RBFOX3: variants seen among roughly 807,000 people sequenced by gnomAD.
The protein encoded by RBFOX3 is RNA binding protein fox-1 homolog 3.
Under a neutral mutation model 48.7 loss-of-function variants are expected in RBFOX3, and 17 were observed. That is an observed-to-expected ratio of 0.35 (90% CI 0.24 to 0.52). The LOEUF (loss-of-function observed/expected upper bound fraction) is 0.52. RBFOX3 is among the 20% of genes least tolerant of loss of function. The pLI, the probability that RBFOX3 is intolerant of heterozygous loss-of-function variation, is 0.94. For missense variants in RBFOX3, 382 were observed against 497.5 expected (o/e 0.77, Z 2.21); for synonymous variants, 212 against 209.5 (o/e 1.01, Z -0.10).
intron 2 of RBFOX3, among the ~76,000 whole-genome samples, chr17:79,435,401 G>T (rs1555730541): frequency 6.6e-6 from 1 of 152,212 alleles, no homozygotes; most frequent in South Asian, 2.1e-4. Flanking sequence ...TCCACAGGCT[G>T]CCAGAGCTGA....
chr17:79,228,421 G>T (rs1002249588), intron 4 of RBFOX3, among the ~76,000 whole-genome samples: 1 of 152,294 alleles, frequency 6.6e-6, no homozygotes, highest in Admixed American at 6.5e-5. Context: ...ATACTCTGGG[G>T]AAAACACAGA....
intron 4 of RBFOX3, among the ~76,000 whole-genome samples, chr17:79,125,721 G>A (rs960064587): frequency 9.2e-5 from 14 of 152,354 alleles, no homozygotes; most frequent in African/African-American, 2.6e-4. Context: ...TCCCGCCTGC[G>A]GGAAGGGCGC....
chr17:79,393,292 C>T (rs1210669176), intron 2 of RBFOX3, among the ~76,000 whole-genome samples: 1 of 152,254 alleles, frequency 6.6e-6, no homozygotes, highest in Non-Finnish European at 1.5e-5. Flanking sequence ...CCTACCCACA[C>T]CCCAACCCCA....
chr17:79,656,895 G>GGATGGAAGGAA, the RBFOX3 span, among the ~76,000 whole-genome samples: 1 of 116,316 alleles, frequency 8.6e-6, no homozygotes, highest in Non-Finnish European at 1.8e-5. Flanking sequence ...GAAGGAAGGA[G>GGATGGAAGGAA]GGAAGGAAGG....
chr17:79,335,989 C>A (rs747185349), intron 2 of RBFOX3, among the ~76,000 whole-genome samples: 3 of 152,232 alleles, frequency 2.0e-5, no homozygotes, highest in Non-Finnish European at 4.4e-5. Flanking sequence ...GGTCTGCCTG[C>A]GCCGCTTCGT....
At chr17:79,619,202 A>G in the RBFOX3 span, among the ~76,000 whole-genome samples, 2 of 152,224 alleles carry the variant, frequency 1.3e-5, no homozygotes, top group South Asian at 4.1e-4. Context: ...CTTCTCTTTT[A>G]GGAGGTGCAG....
chr17:79,538,192 G>T (rs531758334), intron 1 of RBFOX3, among the ~76,000 whole-genome samples: 19 of 152,334 alleles, frequency 1.2e-4, no homozygotes, highest in South Asian at 1.0e-3. Context: ...AGGCTGTTGT[G>T]AATACATGTA....
chr17:79,293,477 C>G lies in RBFOX3; in HGVS notation c.-74+14247G>C, dbSNP rs528646672. On this transcript the variant is annotated intron_variant, in intron 3 of 14. Coordinates refer to ENST00000693108, the MANE Select transcript of RBFOX3 (RefSeq NM_001350451.2). ...CTTCCTTCCTTCCTTCCCTTCCTTC[C>G]TGTCTCACTCTGTCTCCCAGGCTGG... Among the ~76,000 whole-genome samples the G allele has an allele frequency of 9.0e-3, 1,254 of 139,044 alleles. 28 individuals are homozygous for G. Among genetic ancestry groups the G allele is most frequent in the African/African-American group, 0.032 (1,181 of 36,744 alleles). The allele number at this position is 139,044 out of a possible 152,430, so 91.2% of individuals were successfully genotyped here.
chr17:79,316,361 C>A (rs111601950), intron 2 of RBFOX3, among the ~76,000 whole-genome samples: 2,415 of 152,304 alleles, frequency 0.016, 30 homozygotes, highest in African/African-American at 0.033. Context: ...GGGGCCAGGC[C>A]AGCAGGCTGT....
intron 3 of RBFOX3, among the ~76,000 whole-genome samples, chr17:79,286,554 T>C (rs1215353040): frequency 6.6e-6 from 1 of 152,152 alleles, no homozygotes; most frequent in Non-Finnish European, 1.5e-5. Context: ...GGTTTGCCCA[T>C]CCCTGGGCTG....
chr17:79,366,616 C>T (rs760851523), intron 2 of RBFOX3, among the ~76,000 whole-genome samples: 3 of 152,198 alleles, frequency 2.0e-5, no homozygotes, highest in Non-Finnish European at 4.4e-5. Flanking sequence ...ATTGACCCTT[C>T]CATCGTGCAC....
chr17:79,608,824 CG>C (rs1307479794), intron 1 of RBFOX3, among the ~76,000 whole-genome samples: 1 of 140,762 alleles, frequency 7.1e-6, no homozygotes, highest in Non-Finnish European at 1.6e-5. Flanking sequence ...GGGGGAGGGG[CG>C]GGGGGGCCAG....
intron 11 of RBFOX3, 131 bp from the exon 12 acceptor site, chr17:79,096,964 C>T (rs2075392873): frequency 3.3e-6 from 2 of 598,630 alleles, no homozygotes; most frequent in Non-Finnish European, 5.9e-6. Context: ...GGGCACCAGA[C>T]CCCAGGGAAT....
At chr17:79,467,147 G>A (rs916829035) in intron 2 of RBFOX3, among the ~76,000 whole-genome samples, 150 of 152,164 alleles carry the variant, frequency 9.9e-4, no homozygotes, top group African/African-American at 3.4e-3. Context: ...GTCTGGGTCC[G>A]GGAGGCCCTC....
intron 2 of RBFOX3, among the ~76,000 whole-genome samples, chr17:79,412,729 T>C (rs1402519431): frequency 3.3e-5 from 5 of 151,912 alleles, no homozygotes; most frequent in Admixed American, 6.6e-5. Context: ...GCATGGTGCA[T>C]ATGTATAAAT....
intron 1 of RBFOX3, among the ~76,000 whole-genome samples, chr17:79,500,402 C>T (rs938514074): frequency 2.6e-5 from 4 of 152,008 alleles, no homozygotes; most frequent in African/African-American, 9.7e-5. Context: ...GGATTACAGG[C>T]ATGCACCACC....
intron 1 of RBFOX3, among the ~76,000 whole-genome samples, chr17:79,509,702 C>T (rs1218328976): frequency 2.0e-5 from 3 of 151,928 alleles, no homozygotes; most frequent in Admixed American, 6.5e-5. Flanking sequence ...CATCAGCCGT[C>T]GCACCCCAGG....
intron 4 of RBFOX3, among the ~76,000 whole-genome samples, chr17:79,128,468 G>A (rs868828834): frequency 1.1e-4 from 16 of 152,170 alleles, no homozygotes; most frequent in South Asian, 4.1e-4. Flanking sequence ...AGGAGGGCCC[G>A]TGCAGCCACA....
At chr17:79,141,678 G>A (rs116160717) in intron 4 of RBFOX3, among the ~76,000 whole-genome samples, 1,673 of 152,228 alleles carry the variant, frequency 0.011, 36 homozygotes, top group African/African-American at 0.038. Flanking sequence ...GGGGTCCCTC[G>A]GTAAGTCCTT....
Sources: allele counts gnomAD v4.1 joint callset (sites outside exome capture counted in the v4.1 genomes callset), GRCh38; gene constraint gnomAD v4.1.1; transcripts MANE v1.5; gene names NCBI Gene and HGNC (gene_info 2026-07-23, HGNC 2026-07-21).